The following MARCHF1 variants were observed in gnomAD, a reference collection of about 807,000 sequenced individuals.
MARCHF1 encodes membrane associated ring-CH-type finger 1.
In MARCHF1, 40 loss-of-function variants were observed where a neutral mutation model predicts 54.2. The ratio of observed to expected loss-of-function variants is 0.74; its 90% confidence interval spans 0.57 to 0.96. The LOEUF (loss-of-function observed/expected upper bound fraction) is 0.96. Among genes scored for constraint, MARCHF1 ranks in the 40% least tolerant of loss-of-function variants. The probability of loss-of-function intolerance (pLI) is 0.00; values close to 1 mark genes in which losing one functional copy is unlikely to be tolerated. For synonymous variants in MARCHF1, 236 were observed against 236.3 expected, an observed-to-expected ratio of 1.00 and a Z score of 0.01; for missense variants, 586 against 656.5, an observed-to-expected ratio of 0.89 and a Z score of 1.17.
intron 5 of MARCHF1, among the ~76,000 whole-genome samples, chr4:163,635,085 C>T (rs1353577585): frequency 3.6e-4 from 26 of 71,234 alleles, no homozygotes; most frequent in African/African-American, 1.5e-3. Flanking sequence ...ATCTCTGGGA[C>T]GCATTCAAAG....
intron 4 of MARCHF1, chr4:163,828,753 A>G (rs1440132785): frequency 6.6e-6 from 1 of 152,190 alleles, no homozygotes; most frequent in Non-Finnish European, 1.5e-5. Context: ...TGAACATTGG[A>G]TATTCTGGCC....
intron 3 of MARCHF1, among the ~76,000 whole-genome samples, chr4:163,900,350 T>TAA (rs200923875): frequency 8.4e-4 from 88 of 104,542 alleles, no homozygotes; most frequent in African/African-American, 1.3e-3. Flanking sequence ...TTTTTTTTTT[T>TAA]TAAAAAAACT....
chr4:163,976,164 T>C (rs1560844364), intron 3 of MARCHF1, among the ~76,000 whole-genome samples: 1 of 152,206 alleles, frequency 6.6e-6, no homozygotes, highest in Non-Finnish European at 1.5e-5. Context: ...CTGCTGTATG[T>C]CTCTAATTTT....
intron 1 of MARCHF1, among the ~76,000 whole-genome samples, chr4:164,255,473 TCAA>T (rs1180447858): frequency 6.6e-6 from 1 of 151,038 alleles, no homozygotes; most frequent in Admixed American, 6.6e-5. Context: ...TCCAAATTCT[TCAA>T]CAACGCCACG....
chr4:164,075,755 A>G (rs1360983325), intron 2 of MARCHF1, among the ~76,000 whole-genome samples: 1 of 152,176 alleles, frequency 6.6e-6, no homozygotes. Flanking sequence ...TAGTATGCCC[A>G]AGGTAGGGTT....
intron 1 of MARCHF1, among the ~76,000 whole-genome samples, chr4:164,299,286 C>T (rs2111389826): frequency 6.6e-6 from 1 of 152,054 alleles, no homozygotes; most frequent in South Asian, 2.1e-4. Flanking sequence ...ATTTGTACTT[C>T]TAAAAATCTG....
intron 4 of MARCHF1, among the ~76,000 whole-genome samples, chr4:163,712,091 A>G (rs962455148): frequency 3.9e-5 from 6 of 152,172 alleles, no homozygotes; most frequent in African/African-American, 1.2e-4. Flanking sequence ...TTAAGATTGG[A>G]GACATGTTTG....
At chr4:163,767,503 T>G (rs972260958) in intron 4 of MARCHF1, among the ~76,000 whole-genome samples, 2 of 152,066 alleles carry the variant, frequency 1.3e-5, no homozygotes, top group African/African-American at 4.8e-5. Context: ...CCAGCTACTT[T>G]TTTTGTATTT....
intron 1 of MARCHF1, among the ~76,000 whole-genome samples, chr4:164,132,217 TC>T (rs1486990993): frequency 6.6e-6 from 1 of 152,146 alleles, no homozygotes; most frequent in Non-Finnish European, 1.5e-5. Flanking sequence ...TTCACGAGGA[TC>T]TTATCAAGGC....
At chr4:163,652,979 G>C (rs555609585) in intron 5 of MARCHF1, among the ~76,000 whole-genome samples, 4 of 151,894 alleles carry the variant, frequency 2.6e-5, no homozygotes, top group African/African-American at 9.6e-5. Flanking sequence ...TATCAAAGGG[G>C]GGAAGGTTGG....
chr4:164,367,063 A>C (rs1353880884), intron 1 of MARCHF1, among the ~76,000 whole-genome samples: 3 of 152,086 alleles, frequency 2.0e-5, no homozygotes, highest in Non-Finnish European at 2.9e-5. Flanking sequence ...TACAAAAGTG[A>C]CATGTGTTCA....
intron 1 of MARCHF1, among the ~76,000 whole-genome samples, chr4:164,332,588 G>A (rs946499841): frequency 5.3e-5 from 8 of 151,100 alleles, no homozygotes; most frequent in African/African-American, 1.9e-4. Context: ...CCTGAGAACA[G>A]GGTGCAGAAA....
At chr4:164,197,393 G>T in intron 1 of MARCHF1, 1 of 1,613,322 alleles carries the variant, frequency 6.2e-7, no homozygotes, top group Non-Finnish European at 8.5e-7. Flanking sequence ...TTTTCTAACT[G>T]TTTCAGTGGC....
At chr4:163,636,679 T>C (rs1014251490) in intron 5 of MARCHF1, among the ~76,000 whole-genome samples, 1 of 151,962 alleles carries the variant, frequency 6.6e-6, no homozygotes, top group East Asian at 1.9e-4. Context: ...CCCAAGGTAA[T>C]TTACAGATTC....
At chr4:163,932,904 G>C in intron 3 of MARCHF1, 1 of 637,610 alleles carries the variant, frequency 1.6e-6, no homozygotes, top group Admixed American at 1.8e-5. Flanking sequence ...CCAGTACTTT[G>C]CTGAAGCTGC....
intron 1 of MARCHF1, among the ~76,000 whole-genome samples, chr4:164,274,850 G>A (rs1028790207): frequency 1.3e-5 from 2 of 150,280 alleles, no homozygotes; most frequent in African/African-American, 4.9e-5. Flanking sequence ...CTAATTTTTT[G>A]TATTTTTAGT....
In MARCHF1 at chr4:163,773,404, G is replaced by A. The variant is rs150712325; in HGVS notation, c.112-72541C>T. Among the ~76,000 whole-genome samples, 64 of 152,264 alleles carry A rather than the reference G, an allele frequency of 4.2e-4. No individual in the cohort carries two copies. The East Asian group carries it at 0.012, about 28-fold the overall frequency. On this transcript the variant is annotated intron_variant, in intron 4 of 9. Coordinates refer to ENST00000514618, the MANE Select transcript of MARCHF1 (RefSeq NM_001394959.1). ...CTAAAGAGGATCACATATCCTTTGA[G>A]CTGCAGGATTTTAAATAGATGGATG...
intron 4 of MARCHF1, among the ~76,000 whole-genome samples, chr4:163,726,572 A>C (rs1333738821): frequency 1.3e-5 from 2 of 152,158 alleles, no homozygotes; most frequent in African/African-American, 2.4e-5. Flanking sequence ...ATATGCATTC[A>C]TGTGTAGGTT....
At chr4:164,128,138 A>G (rs767928730) in intron 1 of MARCHF1, among the ~76,000 whole-genome samples, 36 of 152,190 alleles carry the variant, frequency 2.4e-4, no homozygotes, top group Non-Finnish European at 4.1e-4. Context: ...GTCTAACACC[A>G]CAGACCAGAA....
Sources: gnomAD v4.1 joint callset for allele counts (sites outside exome capture counted in the v4.1 genomes callset) on GRCh38, gnomAD v4.1.1 for gene constraint, MANE v1.5 for transcripts, NCBI Gene and HGNC (gene_info 2026-07-23, HGNC 2026-07-21) for gene names.